C2orf80: variants seen among roughly 807,000 people sequenced by gnomAD.
The protein encoded by C2orf80 is chromosome 2 open reading frame 80.
A neutral mutation model predicts 30.2 loss-of-function variants in C2orf80; 28 were observed. The ratio of observed to expected loss-of-function variants is 0.93; its 90% confidence interval spans 0.69 to 1.27. The LOEUF is 1.27. Ranked by LOEUF, C2orf80 falls within the 50% of genes most tolerant of loss-of-function variation. The pLI is 0.00. For synonymous variants in C2orf80, 80 were observed against 76.4 expected, an observed-to-expected ratio of 1.05 and a Z score of -0.24; for missense variants, 220 against 231.0, an observed-to-expected ratio of 0.95 and a Z score of 0.31.
intron 1 of C2orf80, among the ~76,000 whole-genome samples, chr2:208,188,848 A>G: frequency 6.6e-6 from 1 of 152,190 alleles, no homozygotes; most frequent in East Asian, 1.9e-4. Flanking sequence ...AGAGCATTTC[A>G]CAGGAAATTG....
At chr2:208,166,897 G>A (rs149849130) in intron 8 of C2orf80, among the ~76,000 whole-genome samples, 3 of 152,002 alleles carry the variant, frequency 2.0e-5, no homozygotes, top group Admixed American at 6.6e-5. Context: ...TGATCCGCCC[G>A]CCTCGGCTTC....
chr2:208,170,802 T>C, intron 8 of C2orf80, 143 bp downstream of exon 8: 2 of 682,332 alleles, frequency 2.9e-6, no homozygotes, highest in Non-Finnish European at 5.3e-6. Context: ...TCTTGCCTGA[T>C]GTCCCATAGC....
At chr2:208,176,653 G>C (rs1696306513) in intron 6 of C2orf80, among the ~76,000 whole-genome samples, 2 of 149,892 alleles carry the variant, frequency 1.3e-5, no homozygotes. Flanking sequence ...GGGCTTCACT[G>C]ATTCTAACTT....
rs766786330 is a variant in C2orf80 at position 208,180,754 on chromosome 2, A to T, written c.357T>A (p.Gly119=). The T allele has an allele frequency of 1.9e-6, 3 of 1,613,320 alleles. No homozygotes were observed. The highest frequency in any genetic ancestry group is 2.5e-6 in the Non-Finnish European group (3 of 1,179,522). ...IYGADSSADS[G]TIKVPRVSSL... ...CCCAGGTCACCCTTACCTTGATGGT[A>T]CCAGAATCGGCAGAAGAATCAGCCC... is the stretch of plus-strand genomic sequence containing the variant. Residue 119 remains glycine (G), a synonymous_variant, in exon 6 of 9, where the codon GGT becomes GGA. Coordinates refer to ENST00000341287, the MANE Select transcript of C2orf80 (RefSeq NM_001099334.3).
intron 1 of C2orf80, among the ~76,000 whole-genome samples, chr2:208,187,880 C>T (rs1696763489): frequency 6.6e-6 from 1 of 151,710 alleles, no homozygotes. Flanking sequence ...AGTCGAAAGC[C>T]TTGATAGAAC....
chr2:208,171,875 C>A, intron 7 of C2orf80, 113 bp downstream of exon 7: 1 of 914,410 alleles, frequency 1.1e-6, no homozygotes, highest in Non-Finnish European at 1.8e-6. Context: ...TAAATTCAAC[C>A]AGACATAGAA....
Position 208,185,577 on chromosome 2 carries a change from A to G in C2orf80, c.42-545T>C, listed in dbSNP as rs373450318. Among the ~76,000 whole-genome samples the G allele has an allele frequency of 1.2e-3, 186 of 152,292 alleles. 3 individuals carry two copies. In the South Asian group the frequency reaches 0.02, roughly 16 times the overall value. On this transcript the variant is annotated intron_variant, in intron 2 of 8. Coordinates refer to ENST00000341287, the MANE Select transcript of C2orf80 (RefSeq NM_001099334.3). ...CCTTTCCTAACAGTGACTTTTAATAAAAGAAGGTAAAATAAGCACCATGAG... is the reference window on the plus strand; with the variant it reads ...CCTTTCCTAACAGTGACTTTTAATAGAAGAAGGTAAAATAAGCACCATGAG...
Position 208,184,950 on chromosome 2 carries a change from C to T in C2orf80, c.123+1G>A. 3 of 1,611,772 alleles carry T rather than the reference C, an allele frequency of 1.9e-6. No homozygotes were observed. Among genetic ancestry groups the T allele is most frequent in the Non-Finnish European group, 8.5e-7 (1 of 1,178,202 alleles). On this transcript the variant is annotated splice_donor_variant, in intron 3 of 8. Coordinates refer to ENST00000341287, the MANE Select transcript of C2orf80 (RefSeq NM_001099334.3). LOFTEE classifies it high-confidence loss of function. The stretch of plus-strand genomic sequence containing the variant: ...ACTCGCATCAGCGTGCCTTTCTTTA[C>T]CATATCATCTAGAAAGGTGAGTTGC...
At chr2:208,166,970 C>A (rs1220805697) in intron 8 of C2orf80, among the ~76,000 whole-genome samples, 1 of 151,950 alleles carries the variant, frequency 6.6e-6, no homozygotes, top group African/African-American at 2.4e-5. Flanking sequence ...CTTTTCTAAG[C>A]CTTTACACAT....
In C2orf80 at chr2:208,181,290, A is replaced by G; in HGVS notation, c.222T>C (p.His74=). 1 of 1,607,502 alleles carries G rather than the reference A, an allele frequency of 6.2e-7. No homozygotes were observed. ...TACGATTTGGATATATGGGTCTGCC[A>G]TGGAGTGGTATTTTCCTAATGGGGA... ...LEWEELKIPL[H]GRPIYPNRRE... Residue 74 remains histidine, a synonymous_variant, in exon 5 of 9, where the codon CAT becomes CAC. Transcript: ENST00000341287.
chr2:208,184,829 G>A (rs1696666223), intron 3 of C2orf80, 122 bp downstream of exon 3: 3 of 665,004 alleles, frequency 4.5e-6, no homozygotes, highest in Non-Finnish European at 7.6e-6. Context: ...AGATGAGGAA[G>A]AGGACATTTG....
intron 8 of C2orf80, among the ~76,000 whole-genome samples, chr2:208,170,192 A>C (rs1696050238): frequency 6.6e-6 from 1 of 151,938 alleles, no homozygotes; most frequent in South Asian, 2.1e-4. Flanking sequence ...ATTCAACAAA[A>C]CTCTAAAATA....
chr2:208,166,625 C>A (rs555338371), intron 8 of C2orf80, among the ~76,000 whole-genome samples: 86 of 151,948 alleles, frequency 5.7e-4, no homozygotes, highest in African/African-American at 2.1e-3. Flanking sequence ...ATGAAGAGAG[C>A]GATTATATTA....
intron 1 of C2orf80, among the ~76,000 whole-genome samples, chr2:208,188,733 G>C (rs1481783585): frequency 6.6e-6 from 1 of 152,228 alleles, no homozygotes; most frequent in Non-Finnish European, 1.5e-5. Context: ...ACAGGCGTGA[G>C]CCACCGTGCC....
At chr2:208,186,351 A>T (rs1262806493) in intron 2 of C2orf80, among the ~76,000 whole-genome samples, 2 of 152,224 alleles carry the variant, frequency 1.3e-5, no homozygotes, top group Non-Finnish European at 2.9e-5. Flanking sequence ...TATGACATAG[A>T]ACATAATCTT....
intron 8 of C2orf80, among the ~76,000 whole-genome samples, chr2:208,168,648 A>G (rs1236196906): frequency 8.1e-5 from 9 of 111,288 alleles, no homozygotes; most frequent in South Asian, 3.5e-4. Flanking sequence ...GCGACAGAGC[A>G]AGACTCCGTC....
chr2:208,178,339 G>A (rs1357230165), intron 6 of C2orf80, among the ~76,000 whole-genome samples: 1 of 152,118 alleles, frequency 6.6e-6, no homozygotes, highest in African/African-American at 2.4e-5. Context: ...AAGGTGACAG[G>A]GAGAAAACAG....
At chr2:208,174,013 C>T (rs774602980) in intron 6 of C2orf80, among the ~76,000 whole-genome samples, 1 of 152,020 alleles carries the variant, frequency 6.6e-6, no homozygotes, top group African/African-American at 2.4e-5. Context: ...AGTGCAGTGG[C>T]GAGATCTTGG....
intron 3 of C2orf80, 28 bp from the exon 4 acceptor site, chr2:208,183,075 G>C (rs887096844): frequency 3.1e-6 from 5 of 1,598,918 alleles, no homozygotes; most frequent in Middle Eastern, 3.3e-4. Flanking sequence ...AGAGAGCAAA[G>C]AAACAGGCTT....
Sources: gnomAD v4.1 joint callset for allele counts (sites outside exome capture counted in the v4.1 genomes callset) on GRCh38, gnomAD v4.1.1 for gene constraint, MANE v1.5 for transcripts, NCBI Gene and HGNC (gene_info 2026-07-23, HGNC 2026-07-21) for gene names.